Variants in NRXN1 observed in about 807,000 individuals in gnomAD.
NRXN1 encodes neurexin 1.
Under a neutral mutation model 150.9 loss-of-function variants are expected in NRXN1, and 39 were observed. That is an observed-to-expected ratio of 0.26 (90% CI 0.20 to 0.34). The LOEUF (loss-of-function observed/expected upper bound fraction) is 0.34, where lower values mean the gene tolerates loss of function less well. Ranked by LOEUF, NRXN1 falls within the 10% of genes least tolerant of loss-of-function variation. NRXN1 has a pLI of 1.00. For synonymous variants in NRXN1, 924 were observed against 757.0 expected, an observed-to-expected ratio of 1.22 and a Z score of -3.62; for missense variants, 1,815 against 1,949.9, an observed-to-expected ratio of 0.93 and a Z score of 1.30.
intron 5 of NRXN1, among the ~76,000 whole-genome samples, chr2:50,845,201 A>G (rs1673462741): frequency 6.6e-6 from 1 of 152,112 alleles, no homozygotes. Context: ...AGAGTTCTCT[A>G]TTTTGTATGG....
At chr2:50,963,190 C>T (rs1693484138) in intron 2 of NRXN1, among the ~76,000 whole-genome samples, 1 of 151,610 alleles carries the variant, frequency 6.6e-6, no homozygotes, top group Non-Finnish European at 1.5e-5. Flanking sequence ...ATTTTTACTT[C>T]ACCACAACAC....
chr2:49,950,355 C>T (rs1177153794), intron 21 of NRXN1, among the ~76,000 whole-genome samples: 1 of 150,248 alleles, frequency 6.7e-6, no homozygotes, highest in Non-Finnish European at 1.5e-5. Context: ...TTTCATGGCT[C>T]ACTATTTAAT....
At chr2:50,892,899 T>A (rs1681297111) in intron 5 of NRXN1, among the ~76,000 whole-genome samples, 3 of 152,148 alleles carry the variant, frequency 2.0e-5, no homozygotes, top group Non-Finnish European at 4.4e-5. Flanking sequence ...CAAATAATAC[T>A]TGCAAGATCT....
At chr2:49,944,240 A>ATCTT (rs1672503524) in intron 21 of NRXN1, among the ~76,000 whole-genome samples, 1 of 152,232 alleles carries the variant, frequency 6.6e-6, no homozygotes, top group African/African-American at 2.4e-5. Context: ...AGTTTGATGA[A>ATCTT]TCTTTGAGAT....
intron 17 of NRXN1, among the ~76,000 whole-genome samples, chr2:50,381,242 C>T (rs1037646519): frequency 2.0e-5 from 3 of 151,830 alleles, no homozygotes; most frequent in African/African-American, 4.8e-5. Context: ...AAAAAAATTG[C>T]CTTCTCTGTG....
chr2:50,240,419 T>A (rs1158877528), intron 17 of NRXN1, among the ~76,000 whole-genome samples: 3 of 151,714 alleles, frequency 2.0e-5, no homozygotes, highest in Non-Finnish European at 4.4e-5. Flanking sequence ...CTATAAGCAC[T>A]CTGGATTTTT....
chr2:50,335,490 T>C (rs2077120686), intron 17 of NRXN1, among the ~76,000 whole-genome samples: 1 of 152,222 alleles, frequency 6.6e-6, no homozygotes, highest in Non-Finnish European at 1.5e-5. Flanking sequence ...ATCATTTTCC[T>C]AAGTTTTTCC....
intron 5 of NRXN1, among the ~76,000 whole-genome samples, chr2:50,821,542 C>A (rs1669723076): frequency 6.6e-6 from 1 of 152,018 alleles, no homozygotes; most frequent in South Asian, 2.1e-4. Context: ...ATGTAAATAG[C>A]TAAGAAGGAT....
rs765764799 is a variant in NRXN1 at position 50,395,285 on chromosome 2, G to A, written c.3364+70157C>T. On this transcript the variant is annotated intron_variant, in intron 17 of 22. Transcript: ENST00000401669. ...CTACGAGATTGAAATACCAGAAAAT[G>A]ATCATAACACTTGTCCTAATTCTTT... Among the ~76,000 whole-genome samples the A allele has an allele frequency of 3.3e-5, 5 of 151,632 alleles. No individual in the cohort carries two copies. The East Asian group carries it at 9.9e-4, about 30-fold the overall frequency.
rs368197842 is a variant in NRXN1, at chr2:50,346,623, G to C, written c.3365-109653C>G. On this transcript the variant is annotated intron_variant, in intron 17 of 22. Transcript: ENST00000401669. The surrounding 1 kb of genome is among the most constrained non-coding windows in gnomAD (Gnocchi z 5.0). Reference sequence around the variant, plus strand: ...ATTTCTCTGAGCCTTAGGAGCCCAGGAGCGAGTGCAGGGTAGAAAGAGGGG... The same window carrying C: ...ATTTCTCTGAGCCTTAGGAGCCCAGCAGCGAGTGCAGGGTAGAAAGAGGGG... 1.1e-4 allele frequency: 166 copies of C among 1,538,160 alleles called. No homozygotes were observed. The African/African-American group carries it at 1.7e-3, about 16-fold the overall frequency.
intron 18 of NRXN1, among the ~76,000 whole-genome samples, chr2:50,179,163 T>C (rs1203039789): frequency 6.6e-6 from 1 of 152,142 alleles, no homozygotes; most frequent in African/African-American, 2.4e-5. Context: ...ATTTTAATAA[T>C]GTCAAGCAGC....
intron 5 of NRXN1, among the ~76,000 whole-genome samples, chr2:50,811,850 A>G (rs1433760222): frequency 6.6e-6 from 1 of 152,188 alleles, no homozygotes; most frequent in African/African-American, 2.4e-5. Flanking sequence ...ATAGGTCACA[A>G]TTCCAAAAAG....
At chr2:50,206,327 G>T (rs956792909) in intron 18 of NRXN1, among the ~76,000 whole-genome samples, 7 of 151,624 alleles carry the variant, frequency 4.6e-5, no homozygotes, top group African/African-American at 1.5e-4. Flanking sequence ...GTAAACAAAA[G>T]TATTCACGAG....
At chr2:50,041,489 G>A (rs76822793) in intron 21 of NRXN1, among the ~76,000 whole-genome samples, 129 of 152,144 alleles carry the variant, frequency 8.5e-4, no homozygotes, top group African/African-American at 2.9e-3. Flanking sequence ...AGAGATTTTC[G>A]CCTGTTTCTT....
chr2:50,005,478 C>T (rs1001554609), intron 21 of NRXN1, among the ~76,000 whole-genome samples: 1 of 152,120 alleles, frequency 6.6e-6, no homozygotes, highest in Non-Finnish European at 1.5e-5. Flanking sequence ...CCAACCGGGA[C>T]AACCATGAGA....
At chr2:49,953,462 C>G (rs1384105317) in intron 21 of NRXN1, among the ~76,000 whole-genome samples, 4 of 151,960 alleles carry the variant, frequency 2.6e-5, no homozygotes, top group Non-Finnish European at 5.9e-5. Context: ...TACTTCATTC[C>G]TTCTGGTGCA....
At chr2:50,249,642 CTTT>C (rs35165216) in intron 17 of NRXN1, among the ~76,000 whole-genome samples, 4 of 144,912 alleles carry the variant, frequency 2.8e-5, no homozygotes, top group African/African-American at 2.5e-5. Flanking sequence ...TCTTTCCTTT[CTTT>C]TTTTTTTTTT....
chr2:50,033,523 C>T (rs921958097), intron 21 of NRXN1, among the ~76,000 whole-genome samples: 9 of 151,914 alleles, frequency 5.9e-5, no homozygotes, highest in East Asian at 1.9e-4. Context: ...CTACAAAAAC[C>T]CTGGAAGACA....
In NRXN1 at chr2:50,921,569, G is replaced by A. The variant is rs188120734; in HGVS notation, c.832+300C>T. On this transcript the variant is annotated intron_variant, in intron 5 of 22. Transcript: ENST00000401669. Reference sequence around the variant, plus strand: ...ATTTACAGTTCCTACACTTATTTAAGTACCATTAAATGATACTGCAGAAAC... The same window carrying A: ...ATTTACAGTTCCTACACTTATTTAAATACCATTAAATGATACTGCAGAAAC... Among the ~76,000 whole-genome samples, 21 of 151,610 alleles carry A rather than the reference G, an allele frequency of 1.4e-4. No homozygotes were observed. In the East Asian group the frequency reaches 3.7e-3, roughly 27 times the overall value.
Sources: allele counts gnomAD v4.1 joint callset (sites outside exome capture counted in the v4.1 genomes callset), GRCh38; gene constraint gnomAD v4.1.1; non-coding constraint Gnocchi (gnomAD v3.1); transcripts MANE v1.5; gene names NCBI Gene and HGNC (gene_info 2026-07-23, HGNC 2026-07-21).